The following RPL26L1 variants were observed in gnomAD, a reference collection of about 807,000 sequenced individuals.
RPL26L1 encodes ribosomal protein L26 like 1.
Under a neutral mutation model 15.2 loss-of-function variants are expected in RPL26L1, and 8 were observed. That is an observed-to-expected ratio of 0.53 (90% CI 0.31 to 0.95). RPL26L1 has a LOEUF of 0.95. Among genes scored for constraint, RPL26L1 ranks in the 40% least tolerant of loss-of-function variants. The pLI, the probability that RPL26L1 is intolerant of heterozygous loss-of-function variation, is 0.05. For missense variants in RPL26L1, 146 were observed against 190.9 expected, an observed-to-expected ratio of 0.76 and a Z score of 1.39; for synonymous variants, 51 against 65.9, an observed-to-expected ratio of 0.77 and a Z score of 1.09.
Position 172,967,001 on chromosome 5 carries a change from G to A in RPL26L1, c.169-1458G>A, listed in dbSNP as rs1008967818. On this transcript the variant is annotated intron_variant, in intron 2 of 3. Transcript: ENST00000265100. Reference sequence around the variant, plus strand: ...CCCCCGAGTAGCTGGGTCTACAGGCGCCCACCACCACGCCCAGCTAATTTT... The same window carrying A: ...CCCCCGAGTAGCTGGGTCTACAGGCACCCACCACCACGCCCAGCTAATTTT... Among the ~76,000 whole-genome samples the A allele has an allele frequency of 5.9e-5, 9 of 151,742 alleles. No homozygotes were observed. The East Asian group carries it at 7.9e-4, about 13-fold the overall frequency.
At chr5:172,957,615 G>C (rs999177090), upstream of RPL26L1, 1 of 252,490 alleles carries the variant, frequency 4.0e-6, no homozygotes, top group African/African-American at 2.3e-5. Context: ...GAACCAGTGA[G>C]TGAGTGAGTG....
chr5:172,968,678 C>G, intron 3 of RPL26L1, 79 bp downstream of exon 3: 1 of 1,551,542 alleles, frequency 6.4e-7, no homozygotes, highest in Non-Finnish European at 8.8e-7. Flanking sequence ...TTTGGTACTC[C>G]CTGCACAGTT....
chr5:172,957,592 G>A (rs887173968), upstream of RPL26L1: 7 of 275,660 alleles, frequency 2.5e-5, no homozygotes, highest in African/African-American at 1.6e-4. Flanking sequence ...ATAGAGAAAT[G>A]AGTGAATAAA....
chr5:172,966,273 A>G (rs1295966632), intron 2 of RPL26L1, among the ~76,000 whole-genome samples: 3 of 144,812 alleles, frequency 2.1e-5, no homozygotes, highest in Non-Finnish European at 4.5e-5. Flanking sequence ...CCTCCCGAGT[A>G]GCTGGGATCA....
rs1228619285 is a variant in RPL26L1, at chr5:172,960,157, A to G, written c.168+116A>G. 3.2e-6 allele frequency: 4 copies of G among 1,241,896 alleles called. No individual in the cohort carries two copies. In the African/African-American group the frequency reaches 5.9e-5, roughly 18 times the overall value. The allele number at this position is 1,241,896 out of a possible 1,614,324, so 76.9% of individuals were successfully genotyped here. ...TCTGGAAAGTAGTGTGACCCTTCAG[A>G]TGTGTTAGGCCAGAGATAGGGTTCA... On this transcript the variant is annotated intron_variant, in intron 2 of 3. Coordinates refer to ENST00000265100, the MANE Select transcript of RPL26L1 (RefSeq NM_016093.4).
At chr5:172,961,866 C>A (rs183172855) in intron 2 of RPL26L1, among the ~76,000 whole-genome samples, 1 of 152,296 alleles carries the variant, frequency 6.6e-6, no homozygotes, top group East Asian at 1.9e-4. Context: ...ATCTGACTAC[C>A]TACTGAACAT....
At chr5:172,968,655 A>G (rs1370771685) in intron 3 of RPL26L1, 56 bp downstream of exon 3, 14 of 1,609,054 alleles carry the variant, frequency 8.7e-6, no homozygotes, top group South Asian at 6.6e-5. Flanking sequence ...ATACTGTTCA[A>G]AGTTATTGGT....
chr5:172,956,732 G>A (rs1260969926), upstream of RPL26L1, among the ~76,000 whole-genome samples: 2 of 152,086 alleles, frequency 1.3e-5, no homozygotes, highest in African/African-American at 4.8e-5. Context: ...GAGGTCATGA[G>A]TTCAAGACCA....
At chr5:172,965,487 T>C (rs1006339478) in intron 2 of RPL26L1, among the ~76,000 whole-genome samples, 1 of 152,172 alleles carries the variant, frequency 6.6e-6, no homozygotes, top group Non-Finnish European at 1.5e-5. Flanking sequence ...CTTCACCTTC[T>C]CACCTGGTAC....
upstream of RPL26L1, chr5:172,957,475 T>C (rs973075862): frequency 3.0e-6 from 1 of 336,974 alleles, no homozygotes. Flanking sequence ...CCAGATCTCT[T>C]TAATCAAGAC....
upstream of RPL26L1, among the ~76,000 whole-genome samples, chr5:172,954,279 G>T (rs372191537): frequency 6.6e-6 from 1 of 152,124 alleles, no homozygotes; most frequent in Non-Finnish European, 1.5e-5. Flanking sequence ...AACTGTAAAA[G>T]ATTTGGGAGG....
chr5:172,968,740 T>A (rs1483514492), intron 3 of RPL26L1, 141 bp downstream of exon 3: 3 of 713,480 alleles, frequency 4.2e-6, no homozygotes, highest in African/African-American at 3.7e-5. Flanking sequence ...TGTGATATCA[T>A]CAAGGATCCA....
chr5:172,958,534 C>G (rs966754979), upstream of RPL26L1: 21 of 417,032 alleles, frequency 5.0e-5, no homozygotes, highest in East Asian at 1.5e-3. Flanking sequence ...GGTTCTTAAC[C>G]CGAAGAGAGT....
At chr5:172,967,372 G>T (rs1264857453) in intron 2 of RPL26L1, among the ~76,000 whole-genome samples, 2 of 152,080 alleles carry the variant, frequency 1.3e-5, no homozygotes, top group African/African-American at 4.8e-5. Flanking sequence ...GGCTGAGGCA[G>T]GAGAATCACT....
upstream of RPL26L1, chr5:172,958,479 G>A (rs901064809): frequency 5.9e-5 from 27 of 455,660 alleles, 1 homozygote; most frequent in South Asian, 3.6e-4. Flanking sequence ...ATGAACGAAA[G>A]GGAGAGTTGG....
At chr5:172,967,320 C>T (rs1390629337) in intron 2 of RPL26L1, among the ~76,000 whole-genome samples, 1 of 152,042 alleles carries the variant, frequency 6.6e-6, no homozygotes, top group Non-Finnish European at 1.5e-5. Context: ...CAAAAATTAG[C>T]CAGGCCTGCT....
chr5:172,963,668 T>A (rs1755336180), intron 2 of RPL26L1, among the ~76,000 whole-genome samples: 1 of 152,224 alleles, frequency 6.6e-6, no homozygotes, highest in African/African-American at 2.4e-5. Context: ...TATTATAGCC[T>A]AGCATTCTTT....
chr5:172,958,909 G>C (rs1450708273), upstream of RPL26L1: 1 of 153,988 alleles, frequency 6.5e-6, no homozygotes. Context: ...GCCGGCCGCC[G>C]TTTAGTCCCA....
intron 2 of RPL26L1, among the ~76,000 whole-genome samples, chr5:172,966,879 CGG>C (rs1322740254): frequency 6.7e-6 from 1 of 149,710 alleles, no homozygotes; most frequent in East Asian, 2.0e-4. Context: ...TTTTTTGAGG[CGG>C]TGTCTCGCTC....
Sources: gnomAD v4.1 joint callset for allele counts (sites outside exome capture counted in the v4.1 genomes callset) on GRCh38, gnomAD v4.1.1 for gene constraint, MANE v1.5 for transcripts, NCBI Gene and HGNC (gene_info 2026-07-23, HGNC 2026-07-21) for gene names.